The following PITPNM3 variants were observed in gnomAD, a reference collection of about 807,000 sequenced individuals.
PITPNM3 encodes membrane-associated phosphatidylinositol transfer protein 3.
In PITPNM3, 26 loss-of-function variants were observed where a neutral mutation model predicts 102.0. The ratio of observed to expected loss-of-function variants is 0.25; its 90% CI spans 0.19 to 0.35. The LOEUF is 0.35. PITPNM3 is among the 10% of genes least tolerant of loss of function. The probability of loss-of-function intolerance (pLI) is 1.00; values close to 1 mark genes in which losing one functional copy is unlikely to be tolerated. For synonymous variants in PITPNM3, 578 were observed against 558.6 expected (o/e 1.03, Z -0.49); for missense variants, 1,083 against 1,346.1 (o/e 0.80, Z 3.06).
In PITPNM3 at chr17:6,472,936, C is replaced by A. The variant is rs1905132858; in HGVS notation, c.1259-109G>T. 1 of 1,322,572 alleles carries A rather than the reference C, an allele frequency of 7.6e-7. No homozygotes were observed. Among genetic ancestry groups the A allele is most frequent in the East Asian group, 2.5e-5 (1 of 40,136 alleles). 81.9% of individuals were successfully genotyped at this position (1,322,572 alleles called of 1,614,324 possible). ...GAGTAGCCTACTCCCCTCTCAAGAG[C>A]CTCCCCGGGCTCCCTGCTCCCCACG... On this transcript the variant is annotated intron_variant, in intron 10 of 19. Transcript: ENST00000262483. This position sits in a 1 kb window ranked among gnomAD's most constrained non-coding sequence, Gnocchi z 4.1.
rs776724682 is a variant in PITPNM3 at position 6,470,289 on chromosome 17, T to C, written c.1744A>G (p.Thr582Ala). 9 of 1,612,658 alleles carry C rather than the reference T, an allele frequency of 5.6e-6. No homozygotes were observed. The highest frequency in any genetic ancestry group is 7.6e-6 in the Non-Finnish European group (9 of 1,179,486). Residue 582 changes from threonine (T) to alanine (A), a missense_variant, in exon 13 of 20, where the codon ACA (threonine) becomes GCA (alanine). Thr to Ala is a moderately conservative substitution (Grantham distance 58). This residue lies in a region of PITPNM3 where 410 missense variants were observed against 638.4 expected (regional missense o/e 0.64). Transcript: ENST00000262483. The surrounding 1 kb of genome is among the most constrained non-coding windows in gnomAD (Gnocchi z 4.8). ...HLFHASYWES[T>A]DVVAFILRQV... ...CTCAGGATGAAGGCCACCACGTCTG[T>C]GGACTCCCAGTAACTGGCGTGGAAG...
At chr17:6,456,770 C>G (rs1406725211) in intron 19 of PITPNM3, among the ~76,000 whole-genome samples, 1 of 152,126 alleles carries the variant, frequency 6.6e-6, no homozygotes, top group African/African-American at 2.4e-5. Context: ...CTGCGCGATT[C>G]CAATAGTGGC....
Position 6,468,463 on chromosome 17 carries a change from C to G in PITPNM3, c.1774-122G>C. On this transcript the variant is annotated intron_variant, in intron 13 of 19. Transcript: ENST00000262483. The surrounding 1 kb of genome is among the most constrained non-coding windows in gnomAD (Gnocchi z 5.2). ...CTGCCCCTGCAACCCCCCAACCTCACAGCCTGGAACCGTCAGGAGGCCGCA... is the reference window on the plus strand; with the variant it reads ...CTGCCCCTGCAACCCCCCAACCTCAGAGCCTGGAACCGTCAGGAGGCCGCA... 1 of 955,682 alleles carries G rather than the reference C, an allele frequency of 1.0e-6. No individual in the cohort carries two copies. The highest frequency in any genetic ancestry group is 1.7e-6 in the Non-Finnish European group (1 of 593,152). The allele number at this position is 955,682 out of a possible 1,614,324, so 59.2% of individuals were successfully genotyped here. A position where few individuals can be genotyped will look rare whatever the true frequency, so the allele number is the denominator to read the frequency against.
intron 17 of PITPNM3, among the ~76,000 whole-genome samples, chr17:6,461,863 C>CCCTCCT (rs113263719): frequency 0.39 from 59,397 of 151,216 alleles, 12,010 homozygotes; most frequent in Middle Eastern, 0.62. Context: ...GTGCCTCCCT[C>CCCTCCT]CCTCCTCCTC....
intron 1 of PITPNM3, 61 bp from the exon 2 acceptor site, chr17:6,538,143 G>GGGTC: frequency 7.9e-7 from 1 of 1,267,762 alleles, no homozygotes; most frequent in Non-Finnish European, 1.1e-6. Context: ...TGAGGGAGGT[G>GGGTC]ACCCAAGACC....
chr17:6,477,021 G>A lies in PITPNM3; in HGVS notation c.1085+8C>T. The A allele has an allele frequency of 6.2e-7, 1 of 1,613,468 alleles. No homozygotes were observed. The highest frequency in any genetic ancestry group is 1.1e-5 in the South Asian group (1 of 91,028). On this transcript the variant is annotated splice_region_variant and intron_variant, in intron 9 of 19. Transcript: ENST00000262483. The stretch of plus-strand genomic sequence containing the variant: ...AGGTCTTCTTGCTTCTGGACAGGGA[G>A]GGGCTACCTTGAGAGGAAGGCATGG...
chr17:6,532,587 G>C (rs755197622), intron 2 of PITPNM3, among the ~76,000 whole-genome samples: 7 of 152,048 alleles, frequency 4.6e-5, no homozygotes, highest in Non-Finnish European at 7.4e-5. Flanking sequence ...GAATCATACA[G>C]GATGTACTCT....
At chr17:6,480,040 A>C (rs545188288) in intron 6 of PITPNM3, 1 of 152,334 alleles carries the variant, frequency 6.6e-6, no homozygotes, top group South Asian at 2.1e-4. Context: ...GAAGTCCTGG[A>C]CTATCAGAGT....
intron 19 of PITPNM3, among the ~76,000 whole-genome samples, 154 bp from the exon 20 acceptor site, chr17:6,455,797 G>A (rs1359465106): frequency 1.8e-5 from 2 of 109,286 alleles, no homozygotes; most frequent in South Asian, 2.9e-4. Context: ...GGAAGGGACA[G>A]GCATCAGGCG....
At chr17:6,496,378 G>T (rs1341788141) in intron 4 of PITPNM3, among the ~76,000 whole-genome samples, 1 of 152,024 alleles carries the variant, frequency 6.6e-6, no homozygotes, top group African/African-American at 2.4e-5. Flanking sequence ...TCTGAACTCA[G>T]CCAGTTTTCG....
At chr17:6,509,876 A>C (rs114305737) in intron 3 of PITPNM3, among the ~76,000 whole-genome samples, 2 of 152,128 alleles carry the variant, frequency 1.3e-5, no homozygotes, top group Non-Finnish European at 2.9e-5. Flanking sequence ...GGGCACTCCC[A>C]AGAAGGCCCC....
chr17:6,464,663 C>T lies in PITPNM3; in HGVS notation c.1999G>A (p.Gly667Arg). 3 of 1,613,880 alleles carry T rather than the reference C, an allele frequency of 1.9e-6. No individual in the cohort carries two copies. The highest frequency in any genetic ancestry group is 2.5e-6 in the Non-Finnish European group (3 of 1,179,816). The change falls in exon 15 of 20, where the codon GGA (glycine) becomes AGA (arginine). Residue 667 changes from glycine to arginine, a missense_variant. This residue lies in a region of PITPNM3 where 410 missense variants were observed against 638.4 expected (regional missense o/e 0.64). Transcript: ENST00000262483. ...GGCCCAGCCCCAGGTACCTTCTCTC[C>T]AGTCAGAGCCACCATGTCGAGGGGC... ...YGPLDMVALT[G>R]EKVDILVMAE...
chr17:6,457,533 C>A lies in PITPNM3; in HGVS notation c.2619+61G>T. ...GAATGAATGAATGAAGTGCTTACTCCCTCTATCCCTTTCCCTGACCTCCCT... is the reference window on the plus strand; with the variant it reads ...GAATGAATGAATGAAGTGCTTACTCACTCTATCCCTTTCCCTGACCTCCCT... On this transcript the variant is annotated intron_variant, in intron 19 of 19. Transcript: ENST00000262483. The surrounding 1 kb of genome is among the most constrained non-coding windows in gnomAD (Gnocchi z 4.7). 1 of 1,607,258 alleles carries A rather than the reference C, an allele frequency of 6.2e-7. No homozygotes were observed. The highest frequency in any genetic ancestry group is 8.5e-7 in the Non-Finnish European group (1 of 1,175,850).
chr17:6,452,977 C>CCTCTCTCTCTCTGTCTTCCTCTCT lies in PITPNM3; in HGVS notation c.*2360_*2361insAGAGAGGAAGACAGAGAGAGAGAG, dbSNP rs1567654910. On this transcript the variant is annotated 3_prime_UTR_variant, in exon 20 of 20. Transcript: ENST00000262483. Reference sequence around the variant, plus strand: ...CTCTCTTCCTCTCTCTCTCTCTCTTCCTCTCTCTCTCTCTCTGTCTTCCTT... The same window carrying CCTCTCTCTCTCTGTCTTCCTCTCT: ...CTCTCTTCCTCTCTCTCTCTCTCTTCCTCTCTCTCTCTGTCTTCCTCTCTCTCTCTCTCTCTCTCTGTCTTCCTT... 11 of 133,658 alleles carry CCTCTCTCTCTCTGTCTTCCTCTCT rather than the reference C, an allele frequency of 8.2e-5. No individual in the cohort carries two copies. Among genetic ancestry groups the CCTCTCTCTCTCTGTCTTCCTCTCT allele is most frequent in the African/African-American group, 3.2e-4 (11 of 34,276 alleles). The allele number at this position is 133,658 out of a possible 1,614,324, so 8.3% of individuals were successfully genotyped here.
At position 6,556,137 on chromosome 17, in the gene PITPNM3, C is replaced by T. The variant is rs1910593306; in HGVS notation, c.22+248G>A. ...TGGCCCGGGGCGCCGCAGACCTGGC[C>T]CTTTCCGGCGGGGCCGTGGAGAAGG... On this transcript the variant is annotated intron_variant, in intron 1 of 19. Transcript: ENST00000262483. This position sits in a 1 kb window ranked among gnomAD's most constrained non-coding sequence, Gnocchi z 5.2. Among the ~76,000 whole-genome samples the T allele has an allele frequency of 6.6e-6, 1 of 151,978 alleles. No homozygotes were observed. Among genetic ancestry groups the T allele is most frequent in the South Asian group, 2.1e-4 (1 of 4,826 alleles).
intron 6 of PITPNM3, chr17:6,480,644 C>T (rs1003136380): frequency 6.6e-6 from 1 of 152,312 alleles, no homozygotes. Flanking sequence ...ACAGGCAGAA[C>T]AGAGGTGCAG....
At chr17:6,511,696 T>C (rs1404857207) in intron 3 of PITPNM3, among the ~76,000 whole-genome samples, 1 of 152,208 alleles carries the variant, frequency 6.6e-6, no homozygotes, top group Non-Finnish European at 1.5e-5. Flanking sequence ...GAAAGGTCTG[T>C]GGCTTGGCCA....
rs1250251930 is a variant in PITPNM3 at position 6,478,692 on chromosome 17, T to A, written c.632A>T (p.Gln211Leu). The A allele has an allele frequency of 5.0e-6, 8 of 1,604,522 alleles. No individual in the cohort carries two copies. The South Asian group carries it at 7.8e-5, about 16-fold the overall frequency. ...AAGGGCGGCCAGAGGGACGTGGTCC[T>A]GGCTGCTGCTGAGGCAGCCCTCATC... ...SHDEGCLSSS[Q>L]DHVPLAALPL... The change falls in exon 7 of 20, where the codon CAG becomes CTG. Residue 211 changes from glutamine to leucine, a missense_variant. Physicochemically the swap from Gln to Leu is moderately radical, Grantham distance 113. Around this residue, in one of 5 missense-constraint regions of PITPNM3, gnomAD observed 290 missense variants for 337.8 expected, o/e 0.86. Transcript: ENST00000262483. This position sits in a 1 kb window ranked among gnomAD's most constrained non-coding sequence, Gnocchi z 4.4.
rs1904908971 is a variant in PITPNM3 at position 6,468,686 on chromosome 17, C to T, written c.1774-345G>A. Among the ~76,000 whole-genome samples, 2 of 152,208 alleles carry T rather than the reference C, an allele frequency of 1.3e-5. No homozygotes were observed. The highest frequency in any genetic ancestry group is 2.9e-5 in the Non-Finnish European group (2 of 68,040). ...GGCTTGAGTCCTGATCCCAGCCCCT[C>T]CTTGCTTCTTGAGGACGTTGCTCCA... On this transcript the variant is annotated intron_variant, in intron 13 of 19. Transcript: ENST00000262483. The surrounding 1 kb of genome is among the most constrained non-coding windows in gnomAD (Gnocchi z 5.2).
Sources: allele counts gnomAD v4.1 joint callset (sites outside exome capture counted in the v4.1 genomes callset), GRCh38; gene constraint gnomAD v4.1.1; regional missense constraint gnomAD v4.1.1; non-coding constraint Gnocchi (gnomAD v3.1); transcripts MANE v1.5; gene names NCBI Gene and HGNC (gene_info 2026-07-23, HGNC 2026-07-21).